SPRY3: variants seen among roughly 807,000 people sequenced by gnomAD.
The protein encoded by SPRY3 is sprouty RTK signaling antagonist 3, also known as protein sprouty homolog 3.
A neutral mutation model predicts 20.2 loss-of-function variants in SPRY3; 15 were observed. That is an observed-to-expected ratio of 0.74 (90% confidence interval 0.50 to 1.14). SPRY3 has a LOEUF of 1.14. Among genes scored for constraint, SPRY3 ranks in the 50% most tolerant of loss-of-function variants. SPRY3 has a pLI of 0.00. For synonymous variants in SPRY3, 143 were observed against 136.5 expected (o/e 1.05, Z -0.33); for missense variants, 364 against 363.9 (o/e 1.00, Z 0.00).
intron 2 of SPRY3, among the ~76,000 whole-genome samples, chrX:155,684,912 G>T (rs1309142024): frequency 9.0e-6 from 1 of 111,335 alleles, no homozygotes; most frequent in African/African-American, 3.3e-5. Flanking sequence ...CTTTCATTTT[G>T]GTACTTGAAA....
chrX:155,723,121 T>G (rs2091072513), intron 2 of SPRY3, among the ~76,000 whole-genome samples: 2 of 152,186 alleles, frequency 1.3e-5, no homozygotes, highest in Non-Finnish European at 2.9e-5. Context: ...CTCATCCTTT[T>G]TTATGGCTGC....
intron 2 of SPRY3, among the ~76,000 whole-genome samples, chrX:155,763,057 C>T (rs967965179): frequency 5.9e-5 from 9 of 151,894 alleles, no homozygotes; most frequent in Admixed American, 2.6e-4. Flanking sequence ...TCATGTTCTT[C>T]GCTGCAACAT....
intron 1 of SPRY3, among the ~76,000 whole-genome samples, chrX:155,623,842 C>CT (rs1557349664): frequency 8.9e-6 from 1 of 112,179 alleles, no homozygotes; most frequent in Admixed American, 9.5e-5. Flanking sequence ...AGCTCTCACT[C>CT]TAAGTGAAAC....
chrX:155,658,218 A>G (rs1309742037), intron 2 of SPRY3, among the ~76,000 whole-genome samples: 6 of 110,805 alleles, frequency 5.4e-5, no homozygotes, highest in African/African-American at 2.0e-4. Context: ...TTTTTTTCTA[A>G]TTCTGTGGAA....
intron 2 of SPRY3, among the ~76,000 whole-genome samples, chrX:155,684,773 CT>C (rs746209180): frequency 3.6e-5 from 4 of 110,011 alleles, no homozygotes; most frequent in Admixed American, 1.9e-4. Flanking sequence ...TGTCAGAAAA[CT>C]TTTTTTTTAG....
At chrX:155,726,097 T>C in intron 2 of SPRY3, among the ~76,000 whole-genome samples, 1 of 152,212 alleles carries the variant, frequency 6.6e-6, no homozygotes, top group South Asian at 2.1e-4. Flanking sequence ...ATTCAGGAGC[T>C]GGTTGTTCAG....
At chrX:155,749,071 C>G (rs182199206) in intron 2 of SPRY3, among the ~76,000 whole-genome samples, 4 of 151,978 alleles carry the variant, frequency 2.6e-5, no homozygotes, top group African/African-American at 9.6e-5. Flanking sequence ...CACACTCAAT[C>G]ACACAATGCC....
At chrX:155,755,572 G>A (rs1346537074) in intron 2 of SPRY3, among the ~76,000 whole-genome samples, 4 of 151,938 alleles carry the variant, frequency 2.6e-5, no homozygotes, top group Non-Finnish European at 5.9e-5. Flanking sequence ...TTCCTTAGAG[G>A]ATTTTTGTGA....
At chrX:155,615,930 T>G (rs782451018) in intron 1 of SPRY3, among the ~76,000 whole-genome samples, 1 of 110,562 alleles carries the variant, frequency 9.0e-6, no homozygotes, top group African/African-American at 3.3e-5. Flanking sequence ...AGAGAGAAAT[T>G]TATGGGAAGA....
chrX:155,726,399 G>C (rs773423342), intron 2 of SPRY3, among the ~76,000 whole-genome samples: 15 of 152,210 alleles, frequency 9.9e-5, no homozygotes, highest in Admixed American at 2.6e-4. Flanking sequence ...TCGTTTATCT[G>C]TCTAATATTG....
At chrX:155,714,019 T>C (rs2091004461) in intron 2 of SPRY3, among the ~76,000 whole-genome samples, 1 of 152,232 alleles carries the variant, frequency 6.6e-6, no homozygotes, top group Non-Finnish European at 1.5e-5. Context: ...GTTGCATTTT[T>C]AACTCTAGAA....
At chrX:155,686,795 C>T (rs1471023648) in intron 2 of SPRY3, among the ~76,000 whole-genome samples, 1 of 112,277 alleles carries the variant, frequency 8.9e-6, no homozygotes, top group Non-Finnish European at 1.9e-5. Context: ...AAGAATGTTC[C>T]CTTCTCTCAG....
At chrX:155,767,299 T>C (rs115459977) in intron 2 of SPRY3, among the ~76,000 whole-genome samples, 3 of 151,864 alleles carry the variant, frequency 2.0e-5, no homozygotes, top group African/African-American at 4.8e-5. Flanking sequence ...CTATAACCCA[T>C]TCACAAGACC....
intron 2 of SPRY3, among the ~76,000 whole-genome samples, chrX:155,704,152 C>G (rs111283620): frequency 0.022 from 3,368 of 151,620 alleles, 59 homozygotes; most frequent in Non-Finnish European, 0.037. Flanking sequence ...AACACATTCC[C>G]AAAGATACAA....
chrX:155,618,144 G>A (rs2067860158), intron 1 of SPRY3, among the ~76,000 whole-genome samples: 1 of 111,984 alleles, frequency 8.9e-6, no homozygotes, highest in East Asian at 2.8e-4. Context: ...ATTGCCACAA[G>A]CTTTCTCATG....
intron 2 of SPRY3, among the ~76,000 whole-genome samples, chrX:155,758,229 C>G (rs2091290838): frequency 6.6e-6 from 1 of 152,126 alleles, no homozygotes; most frequent in South Asian, 2.1e-4. Flanking sequence ...AGTATATTGC[C>G]TTACCTTAAG....
chrX:155,781,513 C>T (rs997811757), downstream of SPRY3: 1 of 166,902 alleles, frequency 6.0e-6, no homozygotes, highest in African/African-American at 2.4e-5. Flanking sequence ...ATAACCACAC[C>T]GTGAGTTAGT....
intron 2 of SPRY3, among the ~76,000 whole-genome samples, chrX:155,759,181 G>A (rs763678748): frequency 1.7e-4 from 25 of 150,544 alleles, no homozygotes; most frequent in African/African-American, 4.4e-4. Context: ...CCACCATCAC[G>A]CCCGGCTAAT....
At chrX:155,619,004 T>C (rs942830796) in intron 1 of SPRY3, among the ~76,000 whole-genome samples, 4 of 111,517 alleles carry the variant, frequency 3.6e-5, no homozygotes, top group Admixed American at 9.6e-5. Flanking sequence ...TGTCTTTTCA[T>C]CCTCTTAAGA....
Sources: allele counts gnomAD v4.1 joint callset (sites outside exome capture counted in the v4.1 genomes callset), GRCh38; gene constraint gnomAD v4.1.1; transcripts MANE v1.5; gene names NCBI Gene and HGNC (gene_info 2026-07-23, HGNC 2026-07-21).